PCDH15: variants seen among roughly 807,000 people sequenced by gnomAD.
PCDH15 encodes the protein protocadherin-15.
In PCDH15, 129 loss-of-function variants were observed where a neutral mutation model predicts 178.5. The ratio of observed to expected loss-of-function variants is 0.72; its 90% CI spans 0.63 to 0.84. The LOEUF (loss-of-function observed/expected upper bound fraction) is 0.84. PCDH15 is among the 40% of genes least tolerant of loss of function. The probability of loss-of-function intolerance (pLI) is 0.00; values close to 1 mark genes in which losing one functional copy is unlikely to be tolerated. For missense variants in PCDH15, 2,230 were observed against 2,099.9 expected (o/e 1.06, Z -1.21); for synonymous variants, 800 against 732.0 (o/e 1.09, Z -1.50).
intron 2 of PCDH15, among the ~76,000 whole-genome samples, chr10:55,402,249 A>G (rs1210235771): frequency 6.6e-6 from 1 of 152,086 alleles, no homozygotes; most frequent in Non-Finnish European, 1.5e-5. Context: ...ATTTATACCT[A>G]ATAATTACAT....
At chr10:54,679,103 T>C (rs1232293995) in intron 1 of PCDH15, among the ~76,000 whole-genome samples, 1 of 140,744 alleles carries the variant, frequency 7.1e-6, no homozygotes. Flanking sequence ...GGCAGGAGAA[T>C]GGCGTGAACC....
chr10:54,798,706 T>C (rs562782128), intron 1 of PCDH15, among the ~76,000 whole-genome samples: 77 of 152,244 alleles, frequency 5.1e-4, no homozygotes, highest in Non-Finnish European at 9.6e-4. Context: ...TTGTTTAGAT[T>C]ATTATTTCTG....
At chr10:54,774,250 G>A (rs534981403) in intron 1 of PCDH15, among the ~76,000 whole-genome samples, 1 of 151,810 alleles carries the variant, frequency 6.6e-6, no homozygotes, top group Admixed American at 6.6e-5. Context: ...GGATGGTCTC[G>A]ATCTCCTGAC....
At chr10:54,943,559 G>A (rs957957646) in intron 2 of PCDH15, among the ~76,000 whole-genome samples, 2 of 151,910 alleles carry the variant, frequency 1.3e-5, no homozygotes, top group East Asian at 3.9e-4. Context: ...GAGCTACTGG[G>A]AAAATTGCAA....
chr10:55,155,686 G>C (rs1025122391), intron 2 of PCDH15, among the ~76,000 whole-genome samples: 4 of 151,858 alleles, frequency 2.6e-5, no homozygotes, highest in African/African-American at 9.7e-5. Flanking sequence ...CATAATTATT[G>C]GGGCTGTTTC....
intron 21 of PCDH15, among the ~76,000 whole-genome samples, chr10:53,976,139 T>C (rs1336823669): frequency 6.6e-6 from 1 of 152,182 alleles, no homozygotes; most frequent in Non-Finnish European, 1.5e-5. Flanking sequence ...TTTGTTTTTG[T>C]ACCAGTACCG....
At chr10:55,107,142 C>A (rs921564067) in intron 2 of PCDH15, among the ~76,000 whole-genome samples, 3 of 152,202 alleles carry the variant, frequency 2.0e-5, no homozygotes, top group African/African-American at 4.8e-5. Flanking sequence ...CAGAAGAATT[C>A]TCTTTCAGAG....
intron 2 of PCDH15, among the ~76,000 whole-genome samples, chr10:55,361,719 G>C (rs1019155399): frequency 6.6e-6 from 1 of 151,968 alleles, no homozygotes. Flanking sequence ...AATTATTGAA[G>C]GTGAAGGAGT....
intron 21 of PCDH15, among the ~76,000 whole-genome samples, chr10:53,977,144 C>T (rs937713035): frequency 2.0e-5 from 3 of 152,088 alleles, no homozygotes; most frequent in African/African-American, 7.2e-5. Flanking sequence ...TGGGCTGCAG[C>T]ACCTGATTAA....
chr10:53,828,774 A>G (rs549247037), intron 30 of PCDH15, among the ~76,000 whole-genome samples: 1 of 152,238 alleles, frequency 6.6e-6, no homozygotes, highest in Non-Finnish European at 1.5e-5. Context: ...GAGTCATTCA[A>G]GCCATTAAAA....
intron 2 of PCDH15, among the ~76,000 whole-genome samples, chr10:55,035,175 TTTAAAC>T (rs2131970568): frequency 6.6e-6 from 1 of 151,400 alleles, no homozygotes; most frequent in East Asian, 1.9e-4. Context: ...CTGATCTTCA[TTTAAAC>T]TTAATTTCAA....
At chr10:55,438,746 T>C (rs1033758945) in intron 2 of PCDH15, among the ~76,000 whole-genome samples, 1 of 151,880 alleles carries the variant, frequency 6.6e-6, no homozygotes, top group African/African-American at 2.4e-5. Context: ...ATGACATATA[T>C]TGAAGACTGG....
chr10:54,034,799 A>G (rs1258242288), intron 18 of PCDH15, among the ~76,000 whole-genome samples: 1 of 151,936 alleles, frequency 6.6e-6, no homozygotes, highest in Non-Finnish European at 1.5e-5. Context: ...ATTCCTCAGC[A>G]GCAGGCTTTA....
chr10:54,738,291 A>T (rs1185280813), intron 1 of PCDH15, among the ~76,000 whole-genome samples: 1 of 152,134 alleles, frequency 6.6e-6, no homozygotes, highest in Non-Finnish European at 1.5e-5. Context: ...AGAATAGATT[A>T]TAATGGGGCA....
At chr10:55,293,749 C>T (rs941190111) in intron 1 of PCDH15, among the ~76,000 whole-genome samples, 1 of 152,166 alleles carries the variant, frequency 6.6e-6, no homozygotes, top group Non-Finnish European at 1.5e-5. Context: ...TCTGTGACCA[C>T]TTCAGCCTGG....
intron 2 of PCDH15, among the ~76,000 whole-genome samples, chr10:54,942,707 T>C (rs926196356): frequency 6.6e-6 from 1 of 152,164 alleles, no homozygotes; most frequent in East Asian, 1.9e-4. Flanking sequence ...CTTCCTTATT[T>C]CTTATAGAGT....
At chr10:54,706,683 G>A (rs372052016) in intron 1 of PCDH15, among the ~76,000 whole-genome samples, 18 of 152,100 alleles carry the variant, frequency 1.2e-4, no homozygotes, top group East Asian at 7.7e-4. Context: ...TAGTGCAGTG[G>A]CGCGATCTCG....
In PCDH15 at chr10:54,079,652, C is replaced by T. The variant is rs1377407919; in HGVS notation, c.1998-228G>A. Among the ~76,000 whole-genome samples the T allele has an allele frequency of 2.6e-5, 4 of 152,092 alleles. 1 individual carries two copies. Among genetic ancestry groups the T allele is most frequent in the Admixed American group, 2.6e-4 (4 of 15,256 alleles). ...ATGAAACTGACACTGAGCTGATTTC[C>T]TACCTTCCAGGAAACAAAACATAAC... On this transcript the variant is annotated intron_variant, in intron 16 of 37. Transcript: ENST00000644397.
intron 2 of PCDH15, among the ~76,000 whole-genome samples, chr10:55,526,524 G>T (rs1437808920): frequency 1.3e-5 from 2 of 151,650 alleles, no homozygotes; most frequent in African/African-American, 4.8e-5. Flanking sequence ...TTTTTCTTTA[G>T]CACAACACCT....
Sources: allele counts gnomAD v4.1 joint callset (sites outside exome capture counted in the v4.1 genomes callset), GRCh38; gene constraint gnomAD v4.1.1; transcripts MANE v1.5; gene names NCBI Gene and HGNC (gene_info 2026-07-23, HGNC 2026-07-21).